CTNNA3: variants seen among roughly 807,000 people sequenced by gnomAD.
The protein encoded by CTNNA3 is catenin alpha 3, also known as catenin alpha-3.
A neutral mutation model predicts 95.7 loss-of-function variants in CTNNA3; 76 were observed. That is an observed-to-expected ratio of 0.79 (90% CI 0.66 to 0.96). CTNNA3 has a LOEUF of 0.96. Ranked by LOEUF, CTNNA3 falls within the 40% of genes least tolerant of loss-of-function variation. The pLI is 0.00. For missense variants in CTNNA3, 1,191 were observed against 1,089.8 expected (o/e 1.09, Z -1.31); for synonymous variants, 431 against 374.4 (o/e 1.15, Z -1.74).
At chr10:66,507,350 T>G (rs1840485758) in intron 11 of CTNNA3, among the ~76,000 whole-genome samples, 1 of 152,190 alleles carries the variant, frequency 6.6e-6, no homozygotes. Context: ...ATTTGTTTAA[T>G]GAGAACTTTC....
intron 11 of CTNNA3, among the ~76,000 whole-genome samples, chr10:66,428,741 C>A (rs1330698747): frequency 6.6e-6 from 1 of 151,960 alleles, no homozygotes; most frequent in African/African-American, 2.4e-5. Context: ...ATATCTGGGA[C>A]ACATTTAAAG....
At chr10:67,112,632 T>A (rs1215189524) in intron 7 of CTNNA3, among the ~76,000 whole-genome samples, 2 of 151,732 alleles carry the variant, frequency 1.3e-5, no homozygotes, top group African/African-American at 4.8e-5. Context: ...TCTTTTTTTT[T>A]TTCTAAATTT....
At chr10:67,481,932 G>T (rs1344342302) in intron 5 of CTNNA3, among the ~76,000 whole-genome samples, 1 of 151,842 alleles carries the variant, frequency 6.6e-6, no homozygotes, top group Non-Finnish European at 1.5e-5. Flanking sequence ...TGTATAAGGT[G>T]TAAGGAAGGG....
chr10:67,505,176 A>G (rs1839393748), intron 5 of CTNNA3, among the ~76,000 whole-genome samples: 1 of 152,246 alleles, frequency 6.6e-6, no homozygotes. Flanking sequence ...TGTCCTACAA[A>G]CATGAGCATT....
At chr10:66,654,326 A>T (rs1357210209) in intron 9 of CTNNA3, among the ~76,000 whole-genome samples, 1 of 152,126 alleles carries the variant, frequency 6.6e-6, no homozygotes, top group Non-Finnish European at 1.5e-5. Flanking sequence ...GAAGTCATGC[A>T]CACTGGCCAA....
chr10:67,392,958 A>G (rs547683953), intron 5 of CTNNA3, among the ~76,000 whole-genome samples: 1 of 152,302 alleles, frequency 6.6e-6, no homozygotes, highest in African/African-American at 2.4e-5. Flanking sequence ...CTAATGCTAG[A>G]TGATGAGTTA....
chr10:67,563,649 A>C (rs1016436566), intron 3 of CTNNA3, among the ~76,000 whole-genome samples: 4 of 152,172 alleles, frequency 2.6e-5, no homozygotes, highest in African/African-American at 7.2e-5. Flanking sequence ...AATGGGATCT[A>C]ATTAAACTAA....
intron 7 of CTNNA3, among the ~76,000 whole-genome samples, chr10:67,174,886 A>G (rs1862166552): frequency 6.6e-6 from 1 of 152,146 alleles, no homozygotes; most frequent in African/African-American, 2.4e-5. Context: ...TATATAGGAT[A>G]CTATTTATTT....
intron 9 of CTNNA3, among the ~76,000 whole-genome samples, chr10:66,765,161 AAGAGAGTTTAT>A (rs1839791282): frequency 6.6e-6 from 1 of 152,200 alleles, no homozygotes; most frequent in South Asian, 2.1e-4. Context: ...GAGATCCAGA[AAGAGAGTTTAT>A]AGCGCAAATG....
At position 66,583,021 on chromosome 10, in the gene CTNNA3, G is replaced by A. The variant is rs530707792; in HGVS notation, c.1374+38671C>T. Among the ~76,000 whole-genome samples, 84 of 151,816 alleles carry A rather than the reference G, an allele frequency of 5.5e-4. 1 individual carries two copies. The highest frequency in any genetic ancestry group is 6.9e-4 in the Non-Finnish European group (47 of 67,788). On this transcript the variant is annotated intron_variant, in intron 10 of 17. Coordinates refer to ENST00000433211, the MANE Select transcript of CTNNA3 (RefSeq NM_013266.4). ...ATATAGTGGATTATTTTTTTGATGC[G>A]CTGTTGGATTTGGTTTGCTACTATT...
chr10:66,174,161 C>T (rs1276311544), intron 13 of CTNNA3, among the ~76,000 whole-genome samples: 2 of 152,102 alleles, frequency 1.3e-5, no homozygotes, highest in African/African-American at 4.8e-5. Flanking sequence ...GCTCACACAG[C>T]TAGAAAAAGG....
intron 12 of CTNNA3, among the ~76,000 whole-genome samples, chr10:66,342,035 G>T (rs1047985213): frequency 6.6e-6 from 1 of 151,564 alleles, no homozygotes; most frequent in Admixed American, 6.6e-5. Flanking sequence ...TGAGATACAA[G>T]GATGGTTTAT....
chr10:66,792,105 G>T (rs759144200), intron 7 of CTNNA3, among the ~76,000 whole-genome samples: 13 of 152,072 alleles, frequency 8.5e-5, no homozygotes, highest in Middle Eastern at 3.3e-3. Context: ...GCCACATGCT[G>T]ATTTAAAATA....
At chr10:67,728,355 C>T (rs949957466) in intron 1 of CTNNA3, among the ~76,000 whole-genome samples, 14 of 148,622 alleles carry the variant, frequency 9.4e-5, no homozygotes, top group South Asian at 4.2e-4. Flanking sequence ...TGTGAGGCTG[C>T]GGCAGGAGAA....
chr10:66,543,903 G>GTA (rs1249395466), intron 10 of CTNNA3, among the ~76,000 whole-genome samples: 156 of 44,398 alleles, frequency 3.5e-3, no homozygotes, highest in Non-Finnish European at 5.9e-3. Context: ...CTTGAGATGT[G>GTA]TGTGTGTGTA....
intron 7 of CTNNA3, among the ~76,000 whole-genome samples, chr10:67,091,121 T>C (rs944377728): frequency 4.6e-5 from 7 of 151,940 alleles, no homozygotes; most frequent in Admixed American, 3.3e-4. Context: ...TCAAGCTTCA[T>C]AGGACAAAAT....
At chr10:66,675,968 G>T (rs1389933330) in intron 9 of CTNNA3, among the ~76,000 whole-genome samples, 1 of 152,004 alleles carries the variant, frequency 6.6e-6, no homozygotes, top group Non-Finnish European at 1.5e-5. Context: ...ACCAAAGAGA[G>T]GTGCAAGGTC....
chr10:67,135,995 A>G (rs1860289577), intron 7 of CTNNA3, among the ~76,000 whole-genome samples: 1 of 152,204 alleles, frequency 6.6e-6, no homozygotes. Context: ...AGAATATTCT[A>G]GTATTCATAA....
At chr10:67,030,914 G>A (rs1158349429) in intron 7 of CTNNA3, among the ~76,000 whole-genome samples, 1 of 152,132 alleles carries the variant, frequency 6.6e-6, no homozygotes, top group Non-Finnish European at 1.5e-5. Flanking sequence ...TGAGGAAGGA[G>A]AATTGCTTGA....
Sources: gnomAD v4.1 joint callset for allele counts (sites outside exome capture counted in the v4.1 genomes callset) on GRCh38, gnomAD v4.1.1 for gene constraint, MANE v1.5 for transcripts, NCBI Gene and HGNC (gene_info 2026-07-23, HGNC 2026-07-21) for gene names.